PNPLA4: variants seen among roughly 807,000 people sequenced by gnomAD.
The protein encoded by PNPLA4 is patatin-like phospholipase domain-containing protein 4.
PNPLA4 carries 15 observed loss-of-function variants against 18.3 expected under a neutral mutation model. That is an observed-to-expected ratio of 0.82 (90% confidence interval 0.55 to 1.26). The LOEUF (loss-of-function observed/expected upper bound fraction) is 1.26. Among genes scored for constraint, PNPLA4 ranks in the 50% most tolerant of loss-of-function variants. PNPLA4 has a pLI of 0.00. For synonymous variants in PNPLA4, 88 were observed against 85.6 expected (o/e 1.03, Z -0.16); for missense variants, 229 against 196.8 (o/e 1.16, Z -0.98).
intron 1 of PNPLA4, among the ~76,000 whole-genome samples, chrX:7,926,887 G>C (rs1376855991): frequency 8.9e-6 from 1 of 112,447 alleles, no homozygotes; most frequent in Non-Finnish European, 1.9e-5. Context: ...CCACAAGGCT[G>C]TCCATTCTGA....
At chrX:7,925,454 G>A (rs777430131) in intron 2 of PNPLA4, among the ~76,000 whole-genome samples, 2 of 112,098 alleles carry the variant, frequency 1.8e-5, no homozygotes, top group Non-Finnish European at 3.8e-5. Context: ...TAAATTGCTT[G>A]GAACTCAGAG....
At chrX:7,926,962 C>T (rs182973932) in intron 1 of PNPLA4, among the ~76,000 whole-genome samples, 5 of 112,654 alleles carry the variant, frequency 4.4e-5, no homozygotes, top group Non-Finnish European at 9.4e-5. Context: ...AGGCACATTA[C>T]AGGGCCTCGA....
intron 4 of PNPLA4, 78 bp downstream of exon 4, chrX:7,921,635 G>T: frequency 1.1e-6 from 1 of 883,250 alleles, no homozygotes; most frequent in Non-Finnish European, 1.7e-6. Context: ...AAAGAACGTG[G>T]TAATGCTCAT....
At chrX:7,923,934 T>C (rs1486551300) in intron 2 of PNPLA4, among the ~76,000 whole-genome samples, 1 of 111,543 alleles carries the variant, frequency 9.0e-6, no homozygotes, top group African/African-American at 3.3e-5. Flanking sequence ...TGAATTGATA[T>C]AGGCTGTGGG....
At chrX:7,917,475 A>G (rs1924079648) in intron 4 of PNPLA4, among the ~76,000 whole-genome samples, 1 of 112,077 alleles carries the variant, frequency 8.9e-6, no homozygotes, top group African/African-American at 3.2e-5. Flanking sequence ...GTGATTTAAT[A>G]TGGCTTTAAA....
Position 7,901,925 on chromosome X carries a change from T to C in PNPLA4, c.630+64A>G. 4.6e-6 allele frequency: 5 copies of C among 1,092,484 alleles called. No homozygotes were observed. The Admixed American group carries it at 1.2e-4, about 27-fold the overall frequency. 90.0% of individuals were successfully genotyped at this position (1,092,484 alleles called of 1,213,427 possible). On this transcript the variant is annotated intron_variant, in intron 6 of 6. Coordinates refer to ENST00000381042, the MANE Select transcript of PNPLA4 (RefSeq NM_004650.3). The stretch of plus-strand genomic sequence containing the variant: ...AACTTCCAGTGCTTGGGAAACACGT[T>C]GAATTCTGTGGGAATTTTTAGTAGA...
chrX:7,911,738 G>A (rs1923883347), intron 5 of PNPLA4, among the ~76,000 whole-genome samples: 1 of 110,460 alleles, frequency 9.1e-6, no homozygotes, highest in Non-Finnish European at 1.9e-5. Context: ...GGGGCTGTGA[G>A]TATGGACTTT....
In PNPLA4 at chrX:7,900,630, A is replaced by G. The variant is rs1923498674; in HGVS notation, c.*56T>C. ...GATTTTCTAAAAAGGATTTGATTAG[A>G]AACTTCCATCAAAAACTATCTAAAA... On this transcript the variant is annotated 3_prime_UTR_variant, in exon 7 of 7. Coordinates refer to ENST00000381042, the MANE Select transcript of PNPLA4 (RefSeq NM_004650.3). 1 of 835,770 alleles carries G rather than the reference A, an allele frequency of 1.2e-6. No homozygotes were observed. Among genetic ancestry groups the G allele is most frequent in the Non-Finnish European group, 1.7e-6 (1 of 598,189 alleles). 68.9% of individuals were successfully genotyped at this position (835,770 alleles called of 1,213,427 possible). A position where few individuals can be genotyped will look rare whatever the true frequency, so the allele number is the denominator to read the frequency against.
intron 2 of PNPLA4, among the ~76,000 whole-genome samples, chrX:7,922,488 T>C (rs750591233): frequency 8.9e-6 from 1 of 112,506 alleles, no homozygotes; most frequent in Admixed American, 9.4e-5. Flanking sequence ...ACAAAGCTGA[T>C]TACAAATGAC....
At chrX:7,906,602 G>A (rs889217029) in intron 5 of PNPLA4, among the ~76,000 whole-genome samples, 3 of 112,384 alleles carry the variant, frequency 2.7e-5, no homozygotes, top group African/African-American at 6.5e-5. Context: ...GAATAAGAGC[G>A]TCTATTTCAG....
chrX:7,920,494 G>A (rs1924181620), intron 4 of PNPLA4, among the ~76,000 whole-genome samples: 1 of 112,200 alleles, frequency 8.9e-6, no homozygotes, highest in African/African-American at 3.2e-5. Context: ...TCTATTAAGT[G>A]GCAAAGTAAT....
At chrX:7,919,690 T>A (rs1031541838) in intron 4 of PNPLA4, among the ~76,000 whole-genome samples, 80 of 111,776 alleles carry the variant, frequency 7.2e-4, no homozygotes, top group African/African-American at 2.4e-3. Context: ...GGGATTAGGG[T>A]AAGGACAGTT....
intron 4 of PNPLA4, among the ~76,000 whole-genome samples, chrX:7,919,943 G>A (rs780716519): frequency 2.7e-5 from 3 of 111,495 alleles, no homozygotes; most frequent in South Asian, 7.7e-4. Context: ...ATATCCATTC[G>A]TTTCACGCAT....
chrX:7,921,690 A>C (rs1924221265), intron 4 of PNPLA4, 23 bp downstream of exon 4: 1 of 1,189,462 alleles, frequency 8.4e-7, no homozygotes, highest in East Asian at 3.0e-5. Flanking sequence ...GATTTCTTCA[A>C]ATAGGAAACA....
At chrX:7,920,709 T>C (rs1187524164) in intron 4 of PNPLA4, among the ~76,000 whole-genome samples, 1 of 112,265 alleles carries the variant, frequency 8.9e-6, no homozygotes, top group East Asian at 2.8e-4. Flanking sequence ...CCTACAAATA[T>C]TCAGTGCATT....
At chrX:7,901,049 T>C (rs1923516207) in intron 6 of PNPLA4, among the ~76,000 whole-genome samples, 1 of 111,581 alleles carries the variant, frequency 9.0e-6, no homozygotes, top group African/African-American at 3.3e-5. Flanking sequence ...GACAGTCATG[T>C]GCACTGCAGG....
In PNPLA4 at chrX:7,915,417, A is replaced by T. The variant is rs185990086; in HGVS notation, c.412-3324T>A. On this transcript the variant is annotated intron_variant, in intron 4 of 6. Coordinates refer to ENST00000381042, the MANE Select transcript of PNPLA4 (RefSeq NM_004650.3). ...ACAATACATAACTATCTGGGTAATA[A>T]TCTGGGCCCTTACTGCCAGGAGTGC... 6.3e-5 allele frequency among the ~76,000 whole-genome samples: 7 copies of T among 110,913 alleles called. No homozygotes were observed. In the East Asian group the frequency reaches 1.7e-3, roughly 27 times the overall value.
rs755068327 is a variant in PNPLA4 at position 7,900,867 on chromosome X, A to T, written c.631-50T>A. On this transcript the variant is annotated intron_variant, in intron 6 of 6. Coordinates refer to ENST00000381042, the MANE Select transcript of PNPLA4 (RefSeq NM_004650.3). ...AGCTGTAGGATATTGCAGTACAGGT[A>T]AATATACACTATTTTTATAATCTAG... The T allele has an allele frequency of 1.5e-5, 15 of 972,192 alleles. No individual in the cohort carries two copies. In the South Asian group the frequency reaches 3.3e-4, roughly 21 times the overall value. 80.1% of individuals were successfully genotyped at this position (972,192 alleles called of 1,213,427 possible). A position where few individuals can be genotyped will look rare whatever the true frequency, so the allele number is the denominator to read the frequency against.
Position 7,912,104 on chromosome X carries a change from A to G in PNPLA4, c.412-11T>C. On this transcript the variant is annotated splice_polypyrimidine_tract_variant and intron_variant, in intron 4 of 6. Transcript: ENST00000381042. ...GCTGGCTAGGAGGACCTAGATGGAT[A>G]AAATAAAGAAGCAGCTCATGATTAC... is the stretch of plus-strand genomic sequence containing the variant. The G allele has an allele frequency of 8.5e-7, 1 of 1,169,693 alleles. No homozygotes were observed. The highest frequency in any genetic ancestry group is 1.2e-6 in the Non-Finnish European group (1 of 858,215).
Sources: allele counts gnomAD v4.1 joint callset (sites outside exome capture counted in the v4.1 genomes callset), GRCh38; gene constraint gnomAD v4.1.1; transcripts MANE v1.5; gene names NCBI Gene and HGNC (gene_info 2026-07-23, HGNC 2026-07-21).